The following BCL2 variants were observed in gnomAD, a reference collection of about 807,000 sequenced individuals.
The protein encoded by BCL2 is apoptosis regulator Bcl-2.
A neutral mutation model predicts 14.2 loss-of-function variants in BCL2; 1 was observed. The ratio of observed to expected loss-of-function variants is 0.07; its 90% CI spans 0.02 to 0.33. The LOEUF (loss-of-function observed/expected upper bound fraction) is 0.33. BCL2 is among the 10% of genes least tolerant of loss of function. The probability of loss-of-function intolerance (pLI) is 0.99; values close to 1 mark genes in which losing one functional copy is unlikely to be tolerated. For synonymous variants in BCL2, 151 were observed against 137.2 expected (o/e 1.10, Z -0.70); for missense variants, 247 against 305.9 (o/e 0.81, Z 1.44).
intron 2 of BCL2, among the ~76,000 whole-genome samples, chr18:63,207,120 C>A (rs1187821299): frequency 6.6e-6 from 1 of 152,146 alleles, no homozygotes; most frequent in Non-Finnish European, 1.5e-5. Context: ...GAAGCCGTGA[C>A]AGAAAAGCCT....
chr18:63,309,109 C>T (rs1471955626), intron 2 of BCL2, among the ~76,000 whole-genome samples: 2 of 152,156 alleles, frequency 1.3e-5, no homozygotes, highest in African/African-American at 2.4e-5. Context: ...AACAGCAAAG[C>T]TGCAGGTTAA....
intron 2 of BCL2, among the ~76,000 whole-genome samples, chr18:63,191,495 A>G (rs1357002786): frequency 6.6e-6 from 1 of 152,268 alleles, no homozygotes; most frequent in Non-Finnish European, 1.5e-5. Context: ...ATTCCAGTAT[A>G]TTCAAAAACA....
At chr18:63,306,988 G>T (rs1913160355) in intron 2 of BCL2, among the ~76,000 whole-genome samples, 1 of 152,004 alleles carries the variant, frequency 6.6e-6, no homozygotes, top group Non-Finnish European at 1.5e-5. Context: ...CGCCGCTCTG[G>T]CTCTCACTTC....
At chr18:63,274,313 TG>T (rs1182597020) in intron 2 of BCL2, among the ~76,000 whole-genome samples, 2 of 144,330 alleles carry the variant, frequency 1.4e-5, no homozygotes, top group African/African-American at 5.3e-5. Flanking sequence ...GATGGAGTCT[TG>T]CTCTGTCACC....
At chr18:63,187,088 T>C (rs549992292) in intron 2 of BCL2, among the ~76,000 whole-genome samples, 2 of 152,338 alleles carry the variant, frequency 1.3e-5, no homozygotes, top group East Asian at 3.9e-4. Flanking sequence ...CAGGAAGTTA[T>C]CGTTTCATTC....
chr18:63,318,471 C>G lies in BCL2; in HGVS notation c.196G>C (p.Val66Leu), dbSNP rs749649089. 6.8e-7 allele frequency: 1 copy of G among 1,469,108 alleles called. No individual in the cohort carries two copies. The highest frequency in any genetic ancestry group is 8.9e-7 in the Non-Finnish European group (1 of 1,122,122). The allele number at this position is 1,469,108 out of a possible 1,614,324, so 91.0% of individuals were successfully genotyped here. ...GTCTGCAGCGGCGAGGTCCTGGCGA[C>G]CGGGTCCCGGGATGCGGCTGGATGG... Reference protein sequence around the residue: ...TPHPAASRDPVARTSPLQTPA... With the variant: ...TPHPAASRDPLARTSPLQTPA... Residue 66 changes from valine (V) to leucine (L), a missense_variant, in exon 2 of 3, where the codon GTC (valine) becomes CTC (leucine). Around this residue, in one of 3 missense-constraint regions of BCL2, gnomAD observed 144 missense variants for 135.3 expected, o/e 1.06. Transcript: ENST00000333681. The surrounding 1 kb of genome is among the most constrained non-coding windows in gnomAD (Gnocchi z 7.4).
At chr18:63,222,146 T>C (rs1472334945) in intron 2 of BCL2, among the ~76,000 whole-genome samples, 1 of 151,868 alleles carries the variant, frequency 6.6e-6, no homozygotes, top group Admixed American at 6.6e-5. Context: ...TACTGGCATA[T>C]GCCTGTAGTC....
rs759774174 is a variant in BCL2 at position 63,186,308 on chromosome 18, T to C, written c.586-57549A>G. ...GTCTTTATTATACACATGTGACTAATGTACCACACAACGCTTAATATTTAC... is the reference window on the plus strand; with the variant it reads ...GTCTTTATTATACACATGTGACTAACGTACCACACAACGCTTAATATTTAC... On this transcript the variant is annotated intron_variant, in intron 2 of 2. Coordinates refer to ENST00000333681, the MANE Select transcript of BCL2 (RefSeq NM_000633.3). Among the ~76,000 whole-genome samples, 18 of 152,236 alleles carry C rather than the reference T, an allele frequency of 1.2e-4. No homozygotes were observed. The South Asian group carries it at 1.4e-3, about 12-fold the overall frequency.
In BCL2 at chr18:63,156,624, C is replaced by T. The variant is rs143551581; in HGVS notation, c.586-27865G>A. Among the ~76,000 whole-genome samples the T allele has an allele frequency of 7.3e-3, 1,105 of 152,316 alleles. 12 individuals carry two copies. Among genetic ancestry groups the T allele is most frequent in the South Asian group, 0.033 (157 of 4,818 alleles). On this transcript the variant is annotated intron_variant, in intron 2 of 2. Transcript: ENST00000333681. ...AAGAACGTCCCACCCTGGCGTCCAC[C>T]TCCCCCGTCCACCTGATGTTTACGT...
At chr18:63,226,149 G>A (rs1033750958) in intron 2 of BCL2, among the ~76,000 whole-genome samples, 8 of 152,178 alleles carry the variant, frequency 5.3e-5, no homozygotes, top group Non-Finnish European at 8.8e-5. Context: ...AAGCTACACC[G>A]TCAAACTGTC....
intron 2 of BCL2, among the ~76,000 whole-genome samples, chr18:63,166,849 T>C (rs1238728701): frequency 6.6e-6 from 1 of 152,240 alleles, no homozygotes; most frequent in East Asian, 1.9e-4. Flanking sequence ...ATTGGTTGAC[T>C]GATGTACTTC....
Position 63,129,725 on chromosome 18 carries a change from C to T in BCL2, c.586-966G>A, listed in dbSNP as rs144226228. Among the ~76,000 whole-genome samples, 22 of 152,336 alleles carry T rather than the reference C, an allele frequency of 1.4e-4. No individual in the cohort carries two copies. In the East Asian group the frequency reaches 3.9e-3, roughly 27 times the overall value. ...ATAGAAACCAGCACCCTTCTCTCTG[C>T]TGATGCCCTGGCGTGGCTAACGGCA... On this transcript the variant is annotated intron_variant, in intron 2 of 2. Coordinates refer to ENST00000333681, the MANE Select transcript of BCL2 (RefSeq NM_000633.3).
intron 2 of BCL2, among the ~76,000 whole-genome samples, chr18:63,212,276 C>T (rs1454326168): frequency 2.0e-5 from 3 of 151,536 alleles, no homozygotes; most frequent in Non-Finnish European, 4.4e-5. Flanking sequence ...TGCAGTGAGC[C>T]AAGAGCATGC....
chr18:63,316,451 A>G (rs1192127761), intron 2 of BCL2: 1 of 152,216 alleles, frequency 6.6e-6, no homozygotes, highest in Non-Finnish European at 1.5e-5. Context: ...GTGATTAAAA[A>G]TCAAACCACC....
At chr18:63,265,988 C>T (rs1000050989) in intron 2 of BCL2, among the ~76,000 whole-genome samples, 3 of 152,010 alleles carry the variant, frequency 2.0e-5, no homozygotes, top group Admixed American at 6.6e-5. Flanking sequence ...TGAGTACATC[C>T]GTTATGAGGG....
intron 2 of BCL2, among the ~76,000 whole-genome samples, chr18:63,168,135 G>T (rs931681166): frequency 3.3e-5 from 5 of 152,206 alleles, no homozygotes; most frequent in Non-Finnish European, 5.9e-5. Flanking sequence ...AGGCAGAGGG[G>T]CCTATTGGAG....
At chr18:63,221,203 T>C (rs766939498) in intron 2 of BCL2, among the ~76,000 whole-genome samples, 42 of 152,236 alleles carry the variant, frequency 2.8e-4, no homozygotes, top group Non-Finnish European at 5.9e-4. Context: ...ATGCTAGGGT[T>C]GGACAACGGA....
At chr18:63,300,279 T>A (rs996711801) in intron 2 of BCL2, among the ~76,000 whole-genome samples, 1 of 151,274 alleles carries the variant, frequency 6.6e-6, no homozygotes. Flanking sequence ...GAAAGGGAGG[T>A]AGGAGATGAA....
chr18:63,262,278 C>G (rs888212507), intron 2 of BCL2, among the ~76,000 whole-genome samples: 5 of 152,164 alleles, frequency 3.3e-5, no homozygotes, highest in Non-Finnish European at 7.3e-5. Flanking sequence ...GTACAGAATC[C>G]AGGAAAATCA....
Sources: gnomAD v4.1 joint callset for allele counts (sites outside exome capture counted in the v4.1 genomes callset) on GRCh38, gnomAD v4.1.1 for gene constraint, gnomAD v4.1.1 regional missense constraint, Gnocchi (gnomAD v3.1) non-coding constraint, MANE v1.5 for transcripts, NCBI Gene and HGNC (gene_info 2026-07-23, HGNC 2026-07-21) for gene names.